The following EYS variants were observed in gnomAD, a reference collection of about 807,000 sequenced individuals.
EYS encodes the protein EGF-like photoreceptor maintenance factor.
Under a neutral mutation model 282.1 loss-of-function variants are expected in EYS, and 250 were observed. That is an observed-to-expected ratio of 0.89 (90% confidence interval 0.80 to 0.98). EYS has a LOEUF of 0.98. Ranked by LOEUF, EYS falls within the 50% of genes least tolerant of loss-of-function variation. The pLI, the probability that EYS is intolerant of heterozygous loss-of-function variation, is 0.00. For synonymous variants in EYS, 1,355 were observed against 1,282.9 expected (o/e 1.06, Z -1.20); for missense variants, 4,016 against 3,709.0 (o/e 1.08, Z -2.15).
chr6:64,860,282 G>C (rs1269268804), intron 19 of EYS, among the ~76,000 whole-genome samples: 2 of 152,236 alleles, frequency 1.3e-5, no homozygotes, highest in Admixed American at 1.3e-4. Context: ...GTCTTGGTCA[G>C]GGCCACTGGG....
chr6:65,389,348 G>A (rs564517158), intron 7 of EYS, among the ~76,000 whole-genome samples: 1 of 152,250 alleles, frequency 6.6e-6, no homozygotes, highest in African/African-American at 2.4e-5. Context: ...CATGGATAGG[G>A]CCTGAATAGG....
chr6:64,914,803 T>C (rs180705207), intron 15 of EYS, among the ~76,000 whole-genome samples: 1 of 152,144 alleles, frequency 6.6e-6, no homozygotes, highest in Non-Finnish European at 1.5e-5. Flanking sequence ...TTCACAGCTG[T>C]CTAAATTTTT....
At chr6:64,746,192 C>A (rs1388774620) in intron 22 of EYS, among the ~76,000 whole-genome samples, 3 of 151,732 alleles carry the variant, frequency 2.0e-5, no homozygotes, top group Non-Finnish European at 4.4e-5. Context: ...AATTTAATTG[C>A]CCTTGTAACA....
intron 30 of EYS, among the ~76,000 whole-genome samples, chr6:64,275,366 A>T (rs1009615795): frequency 1.3e-5 from 2 of 152,042 alleles, no homozygotes; most frequent in Non-Finnish European, 2.9e-5. Context: ...TATAATTGGG[A>T]GAAACTTTCA....
chr6:64,256,230 G>T (rs566048555), intron 30 of EYS, among the ~76,000 whole-genome samples: 1 of 151,984 alleles, frequency 6.6e-6, no homozygotes. Flanking sequence ...TCACTACATA[G>T]CTCTTTTTTC....
At chr6:63,963,285 T>C (rs1291104919) in intron 35 of EYS, among the ~76,000 whole-genome samples, 3 of 151,148 alleles carry the variant, frequency 2.0e-5, no homozygotes, top group African/African-American at 7.3e-5. Flanking sequence ...AAAAAAGAAA[T>C]GCTAATTTGA....
intron 19 of EYS, among the ~76,000 whole-genome samples, chr6:64,860,932 T>G (rs1304904586): frequency 7.2e-5 from 11 of 152,184 alleles, no homozygotes; most frequent in Non-Finnish European, 1.6e-4. Flanking sequence ...TCCGCCTGCC[T>G]CAGAGGAAAG....
At chr6:64,415,225 C>T (rs567914639) in intron 28 of EYS, among the ~76,000 whole-genome samples, 2 of 152,156 alleles carry the variant, frequency 1.3e-5, no homozygotes, top group East Asian at 1.9e-4. Flanking sequence ...TTGAAGTACA[C>T]TGAGAGCCAC....
chr6:64,556,079 G>C (rs1048844166), intron 26 of EYS, among the ~76,000 whole-genome samples: 2 of 151,858 alleles, frequency 1.3e-5, no homozygotes, highest in African/African-American at 4.8e-5. Context: ...CAATTTAAAA[G>C]TTTCTTTTGT....
chr6:65,160,036 G>A (rs1458670845), intron 12 of EYS, among the ~76,000 whole-genome samples: 2 of 150,928 alleles, frequency 1.3e-5, no homozygotes, highest in African/African-American at 4.8e-5. Flanking sequence ...TAATATTTCT[G>A]CCACAATTTG....
At chr6:65,141,214 T>C (rs374780667) in intron 12 of EYS, among the ~76,000 whole-genome samples, 3 of 151,838 alleles carry the variant, frequency 2.0e-5, no homozygotes, top group Non-Finnish European at 4.4e-5. Context: ...AAGCTGGAAA[T>C]CATCATTCTC....
intron 12 of EYS, among the ~76,000 whole-genome samples, chr6:65,141,306 C>T (rs1764334004): frequency 6.6e-6 from 1 of 151,846 alleles, no homozygotes; most frequent in Non-Finnish European, 1.5e-5. Flanking sequence ...AACACATGGA[C>T]ACAGGAAGGG....
intron 35 of EYS, among the ~76,000 whole-genome samples, chr6:63,891,471 A>T (rs1773406587): frequency 1.3e-5 from 2 of 152,164 alleles, no homozygotes; most frequent in African/African-American, 2.4e-5. Flanking sequence ...CATAAACAGA[A>T]CCAATGAAAA....
intron 33 of EYS, among the ~76,000 whole-genome samples, chr6:64,020,084 C>G (rs1013712007): frequency 6.6e-6 from 1 of 151,920 alleles, no homozygotes; most frequent in Non-Finnish European, 1.5e-5. Context: ...ACTCTAGTAT[C>G]TACATTTATT....
At position 64,626,173 on chromosome 6, in the gene EYS, A is replaced by C. The variant is rs1767603325; in HGVS notation, c.3516T>G (p.His1172Gln). The change falls in exon 23 of 43, where the codon CAT (histidine) becomes CAG (glutamine). Residue 1172 changes from histidine (H) to glutamine (Q), a missense_variant. Transcript: ENST00000503581. ...TGATGTGATCTTCACAGTCTGCACC[A>C]TGTAGACATGGTGATGAAGAGCATT... ...INECSSSPCL[H>Q]GADCEDHING... is the part of the protein sequence containing the mutation. 6.5e-7 allele frequency: 1 copy of C among 1,545,166 alleles called. No individual in the cohort carries two copies. Among genetic ancestry groups the C allele is most frequent in the African/African-American group, 1.4e-5 (1 of 72,836 alleles).
At chr6:64,354,094 A>G (rs1253963356) in intron 29 of EYS, among the ~76,000 whole-genome samples, 1 of 151,532 alleles carries the variant, frequency 6.6e-6, no homozygotes, top group East Asian at 2.0e-4. Flanking sequence ...ACCCAAAACA[A>G]CCAAAATTAT....
intron 5 of EYS, among the ~76,000 whole-genome samples, chr6:65,485,732 G>C (rs933999344): frequency 3.9e-5 from 6 of 152,152 alleles, no homozygotes; most frequent in Non-Finnish European, 8.8e-5. Flanking sequence ...TGGAGCTTTG[G>C]AGGCGGAGGT....
intron 12 of EYS, among the ~76,000 whole-genome samples, chr6:65,267,316 T>A (rs1408046856): frequency 6.6e-6 from 1 of 151,948 alleles, no homozygotes; most frequent in African/African-American, 2.4e-5. Flanking sequence ...TATATAATAA[T>A]TCTATAGTTG....
chr6:63,866,861 C>T (rs937560392), intron 35 of EYS, among the ~76,000 whole-genome samples: 11 of 152,180 alleles, frequency 7.2e-5, no homozygotes, highest in African/African-American at 2.7e-4. Flanking sequence ...CAGATGATGG[C>T]ACTTCAAATT....
Sources: gnomAD v4.1 joint callset for allele counts (sites outside exome capture counted in the v4.1 genomes callset) on GRCh38, gnomAD v4.1.1 for gene constraint, MANE v1.5 for transcripts, NCBI Gene and HGNC (gene_info 2026-07-23, HGNC 2026-07-21) for gene names.